The following PLEKHM2 variants were observed in gnomAD, a reference collection of about 807,000 sequenced individuals.
PLEKHM2 encodes the protein pleckstrin homology domain-containing family M member 2.
PLEKHM2 carries 77 observed loss-of-function variants against 116.3 expected under a neutral mutation model. That is an observed-to-expected ratio of 0.66 (90% CI 0.55 to 0.80). PLEKHM2 has a LOEUF of 0.80. PLEKHM2 is among the 30% of genes least tolerant of loss of function. The probability of loss-of-function intolerance (pLI) is 0.00; values close to 1 mark genes in which losing one functional copy is unlikely to be tolerated. For synonymous variants in PLEKHM2, 562 were observed against 571.0 expected (o/e 0.98, Z 0.22); for missense variants, 1,183 against 1,354.9 (o/e 0.87, Z 1.99).
At chr1:15,682,574 G>A (rs1165839986), upstream of PLEKHM2, among the ~76,000 whole-genome samples, 1 of 150,496 alleles carries the variant, frequency 6.6e-6, no homozygotes, top group East Asian at 1.9e-4. Flanking sequence ...AGCAGAGATC[G>A]CACCACCGCA....
At chr1:15,692,038 A>G (rs1164872693) in intron 1 of PLEKHM2, among the ~76,000 whole-genome samples, 1 of 152,046 alleles carries the variant, frequency 6.6e-6, no homozygotes, top group Non-Finnish European at 1.5e-5. Context: ...ACTTGAGCCC[A>G]GAAGTTCGAG....
At chr1:15,710,114 C>A (rs1039757631) in intron 1 of PLEKHM2, among the ~76,000 whole-genome samples, 23 of 150,730 alleles carry the variant, frequency 1.5e-4, no homozygotes, top group Admixed American at 1.5e-3. Context: ...GTAGTCCCAG[C>A]TACTCGGGAG....
chr1:15,686,775 A>C (rs573684385), intron 1 of PLEKHM2, among the ~76,000 whole-genome samples: 148 of 151,838 alleles, frequency 9.7e-4, no homozygotes, highest in Non-Finnish European at 1.5e-3. Flanking sequence ...CAGCCTCCCA[A>C]GTAGCTGGGA....
chr1:15,727,979 A>T lies in PLEKHM2; in HGVS notation c.1761-100A>T. On this transcript the variant is annotated intron_variant, in intron 9 of 19. Transcript: ENST00000375799. This position sits in a 1 kb window ranked among gnomAD's most constrained non-coding sequence, Gnocchi z 7.5. The stretch of plus-strand genomic sequence containing the variant: ...GCCTCCCTCCCTAACTTTGGCTCCT[A>T]GTGGGAGGCGGAGGCACTACCCCCT... 1.6e-6 allele frequency: 2 copies of T among 1,228,418 alleles called. No homozygotes were observed. Among genetic ancestry groups the T allele is most frequent in the Non-Finnish European group, 2.3e-6 (2 of 852,872 alleles). The allele number at this position is 1,228,418 out of a possible 1,614,324, so 76.1% of individuals were successfully genotyped here. A position where few individuals can be genotyped will look rare whatever the true frequency, so the allele number is the denominator to read the frequency against.
At chr1:15,722,058 C>T (rs1435325878) in intron 7 of PLEKHM2, among the ~76,000 whole-genome samples, 3 of 152,276 alleles carry the variant, frequency 2.0e-5, no homozygotes, top group African/African-American at 7.2e-5. Flanking sequence ...CACGATTACT[C>T]AAAGCAAAGG....
intron 16 of PLEKHM2, 87 bp from the exon 17 acceptor site, chr1:15,731,802 C>A: frequency 8.6e-7 from 1 of 1,166,704 alleles, no homozygotes; most frequent in Non-Finnish European, 1.2e-6. Flanking sequence ...AGACCCTGTG[C>A]CGCACACCCC....
At chr1:15,718,666 A>T in intron 5 of PLEKHM2, 41 bp downstream of exon 5, 16 of 130,450 alleles carry the variant, frequency 1.2e-4, no homozygotes, top group East Asian at 5.6e-4. Flanking sequence ...GAAGCAGAGG[A>T]GGGGGCAGGG....
chr1:15,683,351 T>G (rs1219200476), upstream of PLEKHM2, among the ~76,000 whole-genome samples: 1 of 146,728 alleles, frequency 6.8e-6, no homozygotes, highest in Non-Finnish European at 1.5e-5. Context: ...GGAAGATAAG[T>G]GGGGCTTGCA....
intron 1 of PLEKHM2, among the ~76,000 whole-genome samples, chr1:15,709,946 C>A (rs1303427986): frequency 6.6e-6 from 1 of 152,078 alleles, no homozygotes; most frequent in Non-Finnish European, 1.5e-5. Context: ...CTAGTACAAG[C>A]CGGGCGCGGT....
intron 1 of PLEKHM2, among the ~76,000 whole-genome samples, chr1:15,696,310 C>T (rs1046137843): frequency 1.3e-4 from 20 of 152,124 alleles, no homozygotes; most frequent in African/African-American, 4.3e-4. Context: ...AGTCTGGGGG[C>T]CAGTCCTCCA....
intron 1 of PLEKHM2, among the ~76,000 whole-genome samples, chr1:15,693,188 C>A (rs1401254388): frequency 2.0e-5 from 3 of 149,460 alleles, no homozygotes; most frequent in Non-Finnish European, 4.4e-5. Context: ...TTACAGGTGC[C>A]CACCACCACA....
chr1:15,702,846 G>A (rs1641143388), intron 1 of PLEKHM2, among the ~76,000 whole-genome samples: 1 of 148,550 alleles, frequency 6.7e-6, no homozygotes, highest in Admixed American at 6.8e-5. Context: ...TTAGCCTTCC[G>A]AGTAACTGGG....
intron 1 of PLEKHM2, among the ~76,000 whole-genome samples, chr1:15,695,251 G>A (rs368528027): frequency 1.6e-4 from 24 of 152,280 alleles, no homozygotes; most frequent in African/African-American, 4.8e-4. Context: ...ACTGATGCGT[G>A]CTTGAAATAC....
chr1:15,692,124 A>C (rs1640901391), intron 1 of PLEKHM2, among the ~76,000 whole-genome samples: 1 of 151,922 alleles, frequency 6.6e-6, no homozygotes, highest in South Asian at 2.1e-4. Flanking sequence ...GCGGGGGAAA[A>C]AAAAAATTAG....
chr1:15,729,036 C>A lies in PLEKHM2; in HGVS notation c.1987-66C>A. The A allele has an allele frequency of 6.9e-7, 1 of 1,443,402 alleles. No homozygotes were observed. The highest frequency in any genetic ancestry group is 9.5e-7 in the Non-Finnish European group (1 of 1,047,376). The allele number at this position is 1,443,402 out of a possible 1,614,324, so 89.4% of individuals were successfully genotyped here. ...CTCCCCAGCAAGCGCTCAGCCTGGC[C>A]AAGCTGCCTTCTCCGCCAGGCAGCA... On this transcript the variant is annotated intron_variant, in intron 12 of 19. Coordinates refer to ENST00000375799, the MANE Select transcript of PLEKHM2 (RefSeq NM_015164.4). The surrounding 1 kb of genome is among the most constrained non-coding windows in gnomAD (Gnocchi z 4.7).
rs147633554 is a variant in PLEKHM2, at chr1:15,725,981, CT to C, written c.941+437del. The C allele has an allele frequency of 5.2e-3, 932 of 178,580 alleles. 16 individuals carry two copies. Among genetic ancestry groups the C allele is most frequent in the African/African-American group, 0.02 (843 of 42,272 alleles). The allele number at this position is 178,580 out of a possible 1,614,324, so 11.1% of individuals were successfully genotyped here. ...TCAGGACCTCATCACCCCCCACCCC[CT>C]GATACCATCACATTGGGAGTTAGGA... is the stretch of plus-strand genomic sequence containing the variant. On this transcript the variant is annotated intron_variant, in intron 8 of 19. Transcript: ENST00000375799.
At chr1:15,691,201 C>G (rs1401323527) in intron 1 of PLEKHM2, among the ~76,000 whole-genome samples, 5 of 152,158 alleles carry the variant, frequency 3.3e-5, no homozygotes, top group African/African-American at 1.2e-4. Flanking sequence ...ACCTGAGTAG[C>G]TGGAACTACA....
At chr1:15,699,091 A>G (rs1035518251) in intron 1 of PLEKHM2, among the ~76,000 whole-genome samples, 2 of 152,078 alleles carry the variant, frequency 1.3e-5, no homozygotes, top group African/African-American at 4.8e-5. Context: ...TTAGGAGGCC[A>G]AGGCAGGAGG....
intron 7 of PLEKHM2, 26 bp from the exon 8 acceptor site, chr1:15,725,291 T>C: frequency 1.3e-6 from 2 of 1,511,004 alleles, no homozygotes; most frequent in Non-Finnish European, 1.8e-6. Flanking sequence ...CCTGACAGGG[T>C]GTCTCCTGCT....
Sources: allele counts gnomAD v4.1 joint callset (sites outside exome capture counted in the v4.1 genomes callset), GRCh38; gene constraint gnomAD v4.1.1; non-coding constraint Gnocchi (gnomAD v3.1); transcripts MANE v1.5; gene names NCBI Gene and HGNC (gene_info 2026-07-23, HGNC 2026-07-21).